GABRR1: variants seen among roughly 807,000 people sequenced by gnomAD.
GABRR1 encodes the protein gamma-aminobutyric acid type A receptor subunit rho1.
In GABRR1, 59 loss-of-function variants were observed where a neutral mutation model predicts 55.5. The ratio of observed to expected loss-of-function variants is 1.06; its 90% confidence interval spans 0.86 to 1.32. The LOEUF (loss-of-function observed/expected upper bound fraction) is 1.32, where lower values mean the gene tolerates loss of function less well. Among genes scored for constraint, GABRR1 ranks in the 40% most tolerant of loss-of-function variants. The probability of loss-of-function intolerance (pLI) is 0.00; values close to 1 mark genes in which losing one functional copy is unlikely to be tolerated. For missense variants in GABRR1, 602 were observed against 619.1 expected, an observed-to-expected ratio of 0.97 and a Z score of 0.29; for synonymous variants, 213 against 226.0, an observed-to-expected ratio of 0.94 and a Z score of 0.51.
intron 5 of GABRR1, among the ~76,000 whole-genome samples, chr6:89,194,870 G>T (rs557138377): frequency 9.2e-5 from 14 of 152,172 alleles, no homozygotes; most frequent in Middle Eastern, 3.4e-3. Flanking sequence ...AGGGAACAAA[G>T]GCTGCTTATA....
intron 1 of GABRR1, among the ~76,000 whole-genome samples, chr6:89,230,760 G>A (rs1773272310): frequency 6.6e-6 from 1 of 151,852 alleles, no homozygotes; most frequent in South Asian, 2.1e-4. Flanking sequence ...ACAGTGGCAG[G>A]CAGGCCTCCT....
At chr6:89,215,166 T>C (rs1772947080) in intron 1 of GABRR1, among the ~76,000 whole-genome samples, 1 of 152,194 alleles carries the variant, frequency 6.6e-6, no homozygotes, top group Admixed American at 6.5e-5. Context: ...AGAATTACCG[T>C]ATGATCCAGC....
At chr6:89,222,313 T>G (rs1027368775), upstream of GABRR1, among the ~76,000 whole-genome samples, 1 of 152,236 alleles carries the variant, frequency 6.6e-6, no homozygotes, top group Non-Finnish European at 1.5e-5. Context: ...CTCCAATTTT[T>G]CTTCCCATCC....
intron 1 of GABRR1, among the ~76,000 whole-genome samples, chr6:89,224,781 T>C (rs1773171076): frequency 7.5e-6 from 1 of 133,288 alleles, no homozygotes; most frequent in Admixed American, 7.0e-5. Context: ...TGTTTTCTTC[T>C]AGAATTTTTT....
At chr6:89,228,756 A>G (rs1773235718) in intron 1 of GABRR1, among the ~76,000 whole-genome samples, 1 of 150,684 alleles carries the variant, frequency 6.6e-6, no homozygotes, top group South Asian at 2.1e-4. Flanking sequence ...TTTGGGGTGG[A>G]GAGTTCTGTA....
At chr6:89,219,673 T>A (rs369857329), upstream of GABRR1, among the ~76,000 whole-genome samples, 8 of 152,332 alleles carry the variant, frequency 5.3e-5, no homozygotes, top group East Asian at 1.3e-3. Flanking sequence ...AATTCTGTAA[T>A]AGTAGATGTT....
rs745805480 is a variant in GABRR1 at position 89,198,149 on chromosome 6, C to T, written c.443G>A (p.Arg148Gln). 51 of 1,613,892 alleles carry T rather than the reference C, an allele frequency of 3.2e-5. No homozygotes were observed. Among genetic ancestry groups the T allele is most frequent in the South Asian group, 2.2e-5 (2 of 91,060 alleles). ...AGGGACCCAGATCTTCTTGACCAGC[C>T]GGCCGTCAAACGTCATGCTGAGGTT... ...TNNLSMTFDG[R>Q]LVKKIWVPDM... Residue 148 changes from arginine to glutamine, a missense_variant, in exon 5 of 10, where the codon CGG (arginine) becomes CAG (glutamine). Arg to Gln is a conservative substitution (Grantham distance 43). Transcript: ENST00000454853.
At chr6:89,185,171 C>T in intron 7 of GABRR1, 139 bp downstream of exon 7, 10 of 1,122,518 alleles carry the variant, frequency 8.9e-6, no homozygotes, top group Non-Finnish European at 1.3e-5. Flanking sequence ...AGCCACTGCA[C>T]CCGGCCTCTG....
intron 5 of GABRR1, among the ~76,000 whole-genome samples, chr6:89,195,017 A>C (rs2127796505): frequency 6.6e-6 from 1 of 152,322 alleles, no homozygotes; most frequent in South Asian, 2.1e-4. Flanking sequence ...GAAGGAGATA[A>C]ATATACAGGT....
intron 4 of GABRR1, 137 bp downstream of exon 4, chr6:89,199,225 C>A: frequency 1.3e-6 from 1 of 755,750 alleles, no homozygotes. Flanking sequence ...CTTCCTGAGC[C>A]ATCTGAAAAA....
At chr6:89,182,138 C>T in intron 7 of GABRR1, 81 bp from the exon 8 acceptor site, 1 of 1,363,598 alleles carries the variant, frequency 7.3e-7, no homozygotes, top group African/African-American at 1.4e-5. Context: ...TGTTAAGTGC[C>T]TTAGACACTC....
rs974244777 is a variant in GABRR1, at chr6:89,207,555, A to G, written c.123-4070T>C. ...GCTGAGATTCTGCTAACAGAATCCA[A>G]TTTTACTTTGCTATTCTTCATCAAA... On this transcript the variant is annotated intron_variant, in intron 1 of 9. Transcript: ENST00000454853. 7.2e-5 allele frequency among the ~76,000 whole-genome samples: 11 copies of G among 152,216 alleles called. No homozygotes were observed. In the South Asian group the frequency reaches 2.3e-3, roughly 31 times the overall value.
intron 1 of GABRR1, among the ~76,000 whole-genome samples, chr6:89,224,772 G>C (rs1773170836): frequency 6.9e-6 from 1 of 144,162 alleles, no homozygotes; most frequent in African/African-American, 2.6e-5. Context: ...TTTTTCTGAT[G>C]TTTTCTTCTA....
chr6:89,199,338 G>C (rs1267272156), intron 4 of GABRR1, 24 bp downstream of exon 4: 3 of 1,610,660 alleles, frequency 1.9e-6, no homozygotes, highest in Non-Finnish European at 2.5e-6. Context: ...CCCCTGCCAC[G>C]GCCCTGGTCA....
At chr6:89,180,567 G>A in intron 8 of GABRR1, 79 bp from the exon 9 acceptor site, 1 of 1,520,070 alleles carries the variant, frequency 6.6e-7, no homozygotes, top group Admixed American at 1.9e-5. Flanking sequence ...CTGCTCATTT[G>A]TCCCTGCTGC....
intron 5 of GABRR1, among the ~76,000 whole-genome samples, chr6:89,194,465 C>A (rs1244906798): frequency 6.6e-6 from 1 of 152,078 alleles, no homozygotes; most frequent in African/African-American, 2.4e-5. Context: ...AAAAACTAAT[C>A]CTTCAATGCA....
chr6:89,186,228 C>A (rs1164755327), intron 6 of GABRR1, among the ~76,000 whole-genome samples: 3 of 152,218 alleles, frequency 2.0e-5, no homozygotes, highest in African/African-American at 7.2e-5. Context: ...TGGTCAGTTT[C>A]ATGTGTCAAC....
intron 3 of GABRR1, among the ~76,000 whole-genome samples, chr6:89,200,240 C>A (rs1772421476): frequency 7.8e-6 from 1 of 127,940 alleles, no homozygotes; most frequent in African/African-American, 2.9e-5. Flanking sequence ...TTTCTTTTTC[C>A]CTTTTTTTTT....
intron 5 of GABRR1, among the ~76,000 whole-genome samples, chr6:89,194,566 T>A (rs1184076920): frequency 6.6e-6 from 1 of 152,096 alleles, no homozygotes; most frequent in South Asian, 2.1e-4. Context: ...TGATTTGTAA[T>A]CTCTCTGACC....
Sources: gnomAD v4.1 joint callset for allele counts (sites outside exome capture counted in the v4.1 genomes callset) on GRCh38, gnomAD v4.1.1 for gene constraint, MANE v1.5 for transcripts, NCBI Gene and HGNC (gene_info 2026-07-23, HGNC 2026-07-21) for gene names.